NMD3: variants seen among roughly 807,000 people sequenced by gnomAD.
The protein encoded by NMD3 is 60S ribosomal export protein NMD3.
Under a neutral mutation model 73.1 loss-of-function variants are expected in NMD3, and 47 were observed. The ratio of observed to expected loss-of-function variants is 0.64; its 90% CI spans 0.51 to 0.82. NMD3 has a LOEUF of 0.82. Ranked by LOEUF, NMD3 falls within the 40% of genes least tolerant of loss-of-function variation. The pLI, the probability that NMD3 is intolerant of heterozygous loss-of-function variation, is 0.00. For missense variants in NMD3, 554 were observed against 612.5 expected (o/e 0.90, Z 1.01); for synonymous variants, 210 against 194.5 (o/e 1.08, Z -0.66).
intron 13 of NMD3, among the ~76,000 whole-genome samples, chr3:161,248,425 G>T (rs775864446): frequency 3.3e-4 from 50 of 152,198 alleles, no homozygotes; most frequent in Admixed American, 2.3e-3. Flanking sequence ...GGGAAGTGGA[G>T]GTTGCAGTGA....
At chr3:161,241,920 T>A (rs1409847487) in intron 10 of NMD3, among the ~76,000 whole-genome samples, 1 of 152,106 alleles carries the variant, frequency 6.6e-6, no homozygotes, top group East Asian at 1.9e-4. Flanking sequence ...GAATAAATTA[T>A]TTTTTAAGGA....
At chr3:161,243,750 C>A (rs1390695496) in intron 11 of NMD3, among the ~76,000 whole-genome samples, 1 of 152,116 alleles carries the variant, frequency 6.6e-6, no homozygotes, top group Non-Finnish European at 1.5e-5. Context: ...ATTTTTCTTG[C>A]CAGAATATTT....
chr3:161,234,490 C>T (rs1736666328), intron 5 of NMD3, among the ~76,000 whole-genome samples: 1 of 151,086 alleles, frequency 6.6e-6, no homozygotes, highest in South Asian at 2.1e-4. Flanking sequence ...CTCACAACCA[C>T]TTCAGCTAAA....
Position 161,231,867 on chromosome 3 carries a change from TC to T in NMD3, c.277-1531del, listed in dbSNP as rs1275089867. ...GGGCACAGTAGAAGGGTTTTAGGAT[TC>T]GGGGAGGAGTGTTAGATGGGGACAG... On this transcript the variant is annotated intron_variant, in intron 4 of 15. Coordinates refer to ENST00000351193, the MANE Select transcript of NMD3 (RefSeq NM_015938.5). Among the ~76,000 whole-genome samples, 4 of 152,186 alleles carry T rather than the reference TC, an allele frequency of 2.6e-5. 1 individual carries two copies. The highest frequency in any genetic ancestry group is 7.2e-5 in the African/African-American group (3 of 41,516).
intron 4 of NMD3, among the ~76,000 whole-genome samples, chr3:161,229,556 C>CT (rs974364750): frequency 4.6e-5 from 7 of 152,088 alleles, no homozygotes; most frequent in African/African-American, 1.7e-4. Flanking sequence ...AGTAGAAATA[C>CT]TGAGTAGGCA....
At chr3:161,252,752 A>G (rs747171177), downstream of NMD3, 133 of 673,518 alleles carry the variant, frequency 2.0e-4, no homozygotes, top group Non-Finnish European at 1.9e-5. Context: ...AGTCATTATG[A>G]CCATTTTTTT....
chr3:161,248,122 A>G (rs1737326402), intron 13 of NMD3, among the ~76,000 whole-genome samples: 1 of 152,042 alleles, frequency 6.6e-6, no homozygotes. Flanking sequence ...GGTAAATCCA[A>G]GATTTATTGT....
At chr3:161,224,364 C>G (rs938810889) in intron 2 of NMD3, among the ~76,000 whole-genome samples, 1 of 152,162 alleles carries the variant, frequency 6.6e-6, no homozygotes, top group African/African-American at 2.4e-5. Context: ...TACTGACCTT[C>G]TAGAACCTTT....
Position 161,233,392 on chromosome 3 carries a change from A to G in NMD3, c.277-7A>G, listed in dbSNP as rs750653973. 2.5e-6 allele frequency: 4 copies of G among 1,600,314 alleles called. No individual in the cohort carries two copies. The highest frequency in any genetic ancestry group is 2.3e-5 in the South Asian group (2 of 88,604). ...TTACGTTTCTTTTTGTTTGTGTTTTATTGAAGGTACGGCTTGTAGATGCAG... is the reference window on the plus strand; with the variant it reads ...TTACGTTTCTTTTTGTTTGTGTTTTGTTGAAGGTACGGCTTGTAGATGCAG... On this transcript the variant is annotated splice_region_variant and splice_polypyrimidine_tract_variant and intron_variant, in intron 4 of 15. Coordinates refer to ENST00000351193, the MANE Select transcript of NMD3 (RefSeq NM_015938.5).
At chr3:161,223,289 A>G (rs932577456) in intron 2 of NMD3, 4 of 152,230 alleles carry the variant, frequency 2.6e-5, no homozygotes, top group African/African-American at 7.2e-5. Flanking sequence ...GCTAGTGGCT[A>G]CCATTGGACA....
intron 3 of NMD3, among the ~76,000 whole-genome samples, chr3:161,226,935 C>T (rs1473832427): frequency 6.6e-6 from 1 of 152,024 alleles, no homozygotes; most frequent in African/African-American, 2.4e-5. Context: ...ATGATTCTCA[C>T]CTGTTTTTCA....
chr3:161,235,560 T>G (rs1363674239), intron 7 of NMD3, among the ~76,000 whole-genome samples: 1 of 152,174 alleles, frequency 6.6e-6, no homozygotes, highest in East Asian at 1.9e-4. Context: ...CTGTCCAATC[T>G]TGCTCTCAGT....
chr3:161,225,392 G>GT (rs1005612968), intron 3 of NMD3, among the ~76,000 whole-genome samples: 39 of 151,442 alleles, frequency 2.6e-4, no homozygotes, highest in East Asian at 7.8e-4. Context: ...TTATTATGAG[G>GT]TTTTTTTTTC....
rs1465958308 is a variant in NMD3, at chr3:161,252,240, T to A, written c.*1330T>A. The A allele has an allele frequency of 6.6e-6, 1 of 152,224 alleles. No individual in the cohort carries two copies. The highest frequency in any genetic ancestry group is 1.5e-5 in the Non-Finnish European group (1 of 68,048). The allele number at this position is 152,224 out of a possible 1,614,324, so 9.4% of individuals were successfully genotyped here. On this transcript the variant is annotated 3_prime_UTR_variant, in exon 16 of 16. Transcript: ENST00000351193. ...TTCTCATTGGTGGTCTGTGTTTACA[T>A]CTTCCGTGTCAAGATATTTTAAAGC...
intron 8 of NMD3, 112 bp from the exon 9 acceptor site, chr3:161,238,618 C>T (rs1011765311): frequency 1.6e-6 from 1 of 642,294 alleles, no homozygotes; most frequent in Non-Finnish European, 2.8e-6. Flanking sequence ...CATCATGAAG[C>T]CATTTTAGAC....
chr3:161,249,650 A>G, intron 14 of NMD3, 90 bp downstream of exon 14: 1 of 796,210 alleles, frequency 1.3e-6, no homozygotes, highest in Non-Finnish European at 2.2e-6. Flanking sequence ...GGCATCACAC[A>G]ATTGATCCTT....
intron 3 of NMD3, 113 bp from the exon 4 acceptor site, chr3:161,227,134 C>A: frequency 3.4e-6 from 2 of 588,742 alleles, no homozygotes; most frequent in African/African-American, 1.9e-5. Flanking sequence ...TTCATATCAT[C>A]CTTGGGTTTT....
Position 161,238,840 on chromosome 3 carries a change from T to G in NMD3, c.753+14T>G. On this transcript the variant is annotated intron_variant, in intron 9 of 15. Coordinates refer to ENST00000351193, the MANE Select transcript of NMD3 (RefSeq NM_015938.5). ...CCAATATGCAAGGTACTTTTCTTTT[T>G]CATTTAATCCATATCTGTAAAAGAG... is the stretch of plus-strand genomic sequence containing the variant. 8.0e-7 allele frequency: 1 copy of G among 1,247,384 alleles called. No individual in the cohort carries two copies. Among genetic ancestry groups the G allele is most frequent in the Non-Finnish European group, 1.2e-6 (1 of 863,880 alleles). 77.3% of individuals were successfully genotyped at this position (1,247,384 alleles called of 1,614,324 possible). A position where few individuals can be genotyped will look rare whatever the true frequency, so the allele number is the denominator to read the frequency against.
rs1194005963 is a variant in NMD3, at chr3:161,247,348, T to C, written c.1203+18T>C. The C allele has an allele frequency of 6.5e-7, 1 of 1,535,762 alleles. No individual in the cohort carries two copies. The highest frequency in any genetic ancestry group is 1.1e-5 in the South Asian group (1 of 89,284). On this transcript the variant is annotated intron_variant, in intron 13 of 15. Coordinates refer to ENST00000351193, the MANE Select transcript of NMD3 (RefSeq NM_015938.5). ...CAGATGTGGTAAGGCTTTAGATTTT[T>C]CCCTTTTTTCCTGTGTTAAAGAGGA...
Sources: allele counts gnomAD v4.1 joint callset (sites outside exome capture counted in the v4.1 genomes callset), GRCh38; gene constraint gnomAD v4.1.1; transcripts MANE v1.5; gene names NCBI Gene and HGNC (gene_info 2026-07-23, HGNC 2026-07-21).